Variants in MAP9 observed in about 807,000 individuals in gnomAD.
The protein encoded by MAP9 is microtubule associated protein 9.
MAP9 carries 80 observed loss-of-function variants against 75.2 expected under a neutral mutation model. The observed-to-expected ratio is 1.06, with a 90% CI of 0.89 to 1.28. MAP9 has a LOEUF of 1.28. Ranked by LOEUF, MAP9 falls within the 50% of genes most tolerant of loss-of-function variation. MAP9 has a pLI of 0.00. For synonymous variants in MAP9, 235 were observed against 237.3 expected, an observed-to-expected ratio of 0.99 and a Z score of 0.09; for missense variants, 753 against 719.9, an observed-to-expected ratio of 1.05 and a Z score of -0.53.
rs938168100 is a variant in MAP9, at chr4:155,346,294, T to C, written c.*1489A>G. The C allele has an allele frequency of 3.9e-5, 6 of 152,194 alleles. No homozygotes were observed. Among genetic ancestry groups the C allele is most frequent in the Non-Finnish European group, 8.8e-5 (6 of 68,018 alleles). The allele number at this position is 152,194 out of a possible 1,614,324, so 9.4% of individuals were successfully genotyped here. A position where few individuals can be genotyped will look rare whatever the true frequency, so the allele number is the denominator to read the frequency against. On this transcript the variant is annotated 3_prime_UTR_variant, in exon 14 of 14. Coordinates refer to ENST00000311277, the MANE Select transcript of MAP9 (RefSeq NM_001039580.2). Reference sequence around the variant, plus strand: ...TCTTATGGATTTTTATCTCACTTTATAGATTTAATGACCTCCACCATCTCT... The same window carrying C: ...TCTTATGGATTTTTATCTCACTTTACAGATTTAATGACCTCCACCATCTCT...
intron 3 of MAP9, among the ~76,000 whole-genome samples, 189 bp downstream of exon 3, chr4:155,374,748 C>T (rs1732763362): frequency 1.3e-5 from 2 of 152,138 alleles, no homozygotes; most frequent in Admixed American, 1.3e-4. Context: ...AAAAGAAAAT[C>T]ATACAACTTC....
At position 155,347,805 on chromosome 4, in the gene MAP9, G is replaced by A. The variant is rs754694264; in HGVS notation, c.1922C>T (p.Thr641Ile). The A allele has an allele frequency of 3.1e-6, 5 of 1,609,172 alleles. No homozygotes were observed. Among genetic ancestry groups the A allele is most frequent in the Non-Finnish European group, 4.2e-6 (5 of 1,178,022 alleles). The change falls in exon 14 of 14, where the codon ACT (threonine) becomes ATT (isoleucine). Residue 641 changes from threonine (T) to isoleucine (I), a missense_variant. Transcript: ENST00000311277. ...ALPPWSPPSR[T>I]VFAKVF is the part of the protein sequence containing the mutation. ...TTATCAAAACACTTTTGCGAACACA[G>A]TTCTGCTTGGAGGGCTCCACGGAGG... is the stretch of plus-strand genomic sequence containing the variant.
rs1189801236 is a variant in MAP9 at position 155,352,658 on chromosome 4, G to T, written c.1759C>A (p.Leu587Met). ...TTATCTTTTTTCTCAGCTCTTTTCA[G>T]TTCTTCCTTTCTTTTCTCATTTATT... Reference protein sequence around the residue: ...EKINEKRKEELKRAEKKDKDK... With the variant: ...EKINEKRKEEMKRAEKKDKDK... Residue 587 changes from leucine (L) to methionine (M), a missense_variant, in exon 13 of 14, where the codon CTG (leucine) becomes ATG (methionine). By Grantham distance (15) the Leu-to-Met change is conservative (BLOSUM62 2). Coordinates refer to ENST00000311277, the MANE Select transcript of MAP9 (RefSeq NM_001039580.2). The T allele has an allele frequency of 6.5e-6, 10 of 1,536,854 alleles. No individual in the cohort carries two copies. The African/African-American group carries it at 9.8e-5, about 15-fold the overall frequency.
chr4:155,352,705 A>T lies in MAP9; in HGVS notation c.1712T>A (p.Phe571Tyr), dbSNP rs1417440850. ...TATTTTTTCTTTTTCCTTTTGCTTGAAAAAAGCTTCCTTTTTTTCATTCCT... is the reference window on the plus strand; with the variant it reads ...TATTTTTTCTTTTTCCTTTTGCTTGTAAAAAGCTTCCTTTTTTTCATTCCT... ...EKWNEKKEAF[F>Y]KQKEKEKINE... The change falls in exon 13 of 14, where the codon TTC becomes TAC. Residue 571 changes from phenylalanine (F) to tyrosine (Y), a missense_variant. Physicochemically the swap from Phe to Tyr is conservative, Grantham distance 22 (BLOSUM62 3). Transcript: ENST00000311277. 6.4e-7 allele frequency: 1 copy of T among 1,559,780 alleles called. No homozygotes were observed. Among genetic ancestry groups the T allele is most frequent in the East Asian group, 2.3e-5 (1 of 44,362 alleles).
chr4:155,357,533 A>T lies in MAP9; in HGVS notation c.1051-14T>A. ...TTCAATTGTTTTCTATTAAACAGAA[A>T]ATGCCAAAGATGATTTATTCATGAC... On this transcript the variant is annotated splice_polypyrimidine_tract_variant and intron_variant, in intron 7 of 13. Coordinates refer to ENST00000311277, the MANE Select transcript of MAP9 (RefSeq NM_001039580.2). 7.1e-7 allele frequency: 1 copy of T among 1,415,268 alleles called. No individual in the cohort carries two copies. Among genetic ancestry groups the T allele is most frequent in the Non-Finnish European group, 1.0e-6 (1 of 1,004,576 alleles). 87.7% of individuals were successfully genotyped at this position (1,415,268 alleles called of 1,614,324 possible). A position where few individuals can be genotyped will look rare whatever the true frequency, so the allele number is the denominator to read the frequency against.
chr4:155,360,507 T>C (rs1326061771), intron 6 of MAP9, 92 bp from the exon 7 acceptor site: 1 of 1,223,946 alleles, frequency 8.2e-7, no homozygotes, highest in African/African-American at 1.7e-5. Context: ...ATGAGGACTA[T>C]CTATAAACTC....
At chr4:155,363,518 C>G (rs529385592) in intron 5 of MAP9, among the ~76,000 whole-genome samples, 1 of 151,950 alleles carries the variant, frequency 6.6e-6, no homozygotes, top group African/African-American at 2.4e-5. Context: ...TATGTTCAAG[C>G]ACTTTGGGGA....
At chr4:155,363,516 A>G in intron 5 of MAP9, among the ~76,000 whole-genome samples, 1 of 152,162 alleles carries the variant, frequency 6.6e-6, no homozygotes, top group Non-Finnish European at 1.5e-5. Context: ...AATATGTTCA[A>G]GCACTTTGGG....
chr4:155,375,968 C>T (rs766066899), intron 1 of MAP9, 54 bp from the exon 2 acceptor site: 25 of 649,952 alleles, frequency 3.8e-5, no homozygotes, highest in Non-Finnish European at 6.1e-5. Flanking sequence ...TATTTTATTA[C>T]ATTTGATTCT....
Position 155,353,254 on chromosome 4 carries a change from G to A in MAP9, c.1467C>T (p.Ala489=). The change falls in exon 11 of 14, where the codon GCC becomes GCT. Residue 489 remains alanine, a synonymous_variant. Transcript: ENST00000311277. ...TGTTTTTTTCTTCAAGCCTCTTTTT[G>A]GCAGCTATTTTCTTTGCTTCCTTTT... ...MKEKEAKKIA[A]KKRLEEKNKK... 6.2e-7 allele frequency: 1 copy of A among 1,607,264 alleles called. No individual in the cohort carries two copies.
chr4:155,372,577 A>G (rs1732649433), intron 4 of MAP9, among the ~76,000 whole-genome samples: 1 of 152,230 alleles, frequency 6.6e-6, no homozygotes, highest in Non-Finnish European at 1.5e-5. Flanking sequence ...CATAGGCAAT[A>G]CAGAGATCAA....
intron 5 of MAP9, chr4:155,363,143 C>T (rs1732165307): frequency 6.6e-6 from 1 of 152,130 alleles, no homozygotes; most frequent in African/African-American, 2.4e-5. Context: ...TTTACCACCT[C>T]TATTTGTGGC....
chr4:155,360,025 A>G, intron 7 of MAP9, 143 bp downstream of exon 7: 1 of 737,996 alleles, frequency 1.4e-6, no homozygotes, highest in Non-Finnish European at 2.1e-6. Flanking sequence ...TTAAGTAAGA[A>G]CCATGTGACA....
chr4:155,348,635 GTTTC>G (rs1225869720), intron 13 of MAP9, among the ~76,000 whole-genome samples: 24 of 152,122 alleles, frequency 1.6e-4, no homozygotes, highest in African/African-American at 5.5e-4. Flanking sequence ...TCTGCCTCAT[GTTTC>G]TTTATTATTG....
chr4:155,353,869 C>T (rs1318889288), intron 10 of MAP9, among the ~76,000 whole-genome samples: 1 of 152,072 alleles, frequency 6.6e-6, no homozygotes, highest in East Asian at 1.9e-4. Flanking sequence ...AGTATGTGCT[C>T]GACTGAAAAA....
intron 5 of MAP9, among the ~76,000 whole-genome samples, chr4:155,365,705 T>C: frequency 6.6e-6 from 1 of 152,114 alleles, no homozygotes; most frequent in South Asian, 2.1e-4. Flanking sequence ...ATCAAAAGTA[T>C]ATCTAGAGAA....
chr4:155,373,365 C>A lies in MAP9; in HGVS notation c.252G>T (p.Lys84Asn). The change falls in exon 4 of 14, where the codon AAG (lysine) becomes AAT (asparagine). Residue 84 changes from lysine to asparagine, a missense_variant. Coordinates refer to ENST00000311277, the MANE Select transcript of MAP9 (RefSeq NM_001039580.2). ...NDFHISDDEE[K>N]NPSKLLFLKT... ...TCAAAAACAATAGTTTTGAAGGATT[C>A]TTTTCTTCATCATCTGATATATGAA... 7 of 1,610,400 alleles carry A rather than the reference C, an allele frequency of 4.3e-6. No homozygotes were observed. The highest frequency in any genetic ancestry group is 5.9e-6 in the Non-Finnish European group (7 of 1,177,448).
chr4:155,368,915 G>C (rs1732459588), intron 4 of MAP9, 103 bp from the exon 5 acceptor site: 2 of 907,316 alleles, frequency 2.2e-6, no homozygotes, highest in Non-Finnish European at 3.3e-6. Context: ...ATGCCCCTTT[G>C]TTCTCTGTCC....
At chr4:155,375,670 A>G (rs972223958) in intron 2 of MAP9, 106 bp downstream of exon 2, 22 of 607,838 alleles carry the variant, frequency 3.6e-5, no homozygotes, top group South Asian at 5.6e-5. Flanking sequence ...CAAAAGTAAT[A>G]TAAGATTTAC....
Sources: allele counts gnomAD v4.1 joint callset (sites outside exome capture counted in the v4.1 genomes callset), GRCh38; gene constraint gnomAD v4.1.1; transcripts MANE v1.5; gene names NCBI Gene and HGNC (gene_info 2026-07-23, HGNC 2026-07-21).